The following RASGRF2 variants were observed in gnomAD, a reference collection of about 807,000 sequenced individuals.
RASGRF2 encodes the protein ras-specific guanine nucleotide-releasing factor 2.
Under a neutral mutation model 151.0 loss-of-function variants are expected in RASGRF2, and 76 were observed. The ratio of observed to expected loss-of-function variants is 0.50; its 90% CI spans 0.42 to 0.61. The LOEUF (loss-of-function observed/expected upper bound fraction) is 0.61, where lower values mean the gene tolerates loss of function less well. RASGRF2 is among the 20% of genes least tolerant of loss of function. RASGRF2 has a pLI of 0.00. For missense variants in RASGRF2, 1,148 were observed against 1,564.6 expected (o/e 0.73, Z 4.49); for synonymous variants, 504 against 566.5 (o/e 0.89, Z 1.57).
At chr5:81,176,527 G>A (rs1754778165) in intron 17 of RASGRF2, among the ~76,000 whole-genome samples, 1 of 152,112 alleles carries the variant, frequency 6.6e-6, no homozygotes, top group Non-Finnish European at 1.5e-5. Flanking sequence ...CGGTGATGAT[G>A]GAGGGGTGGG....
At chr5:81,064,836 G>A (rs909438966) in intron 2 of RASGRF2, among the ~76,000 whole-genome samples, 4 of 152,174 alleles carry the variant, frequency 2.6e-5, no homozygotes, top group African/African-American at 9.7e-5. Context: ...GGATAGTGAC[G>A]TCCTTGATTA....
intron 1 of RASGRF2, among the ~76,000 whole-genome samples, chr5:80,969,364 G>A (rs1426561206): frequency 1.3e-5 from 2 of 149,988 alleles, no homozygotes; most frequent in African/African-American, 5.0e-5. Context: ...TCGAACTCCT[G>A]ACCTTGTGAT....
At chr5:81,088,468 C>T (rs1192418418) in intron 9 of RASGRF2, 1 of 152,162 alleles carries the variant, frequency 6.6e-6, no homozygotes, top group African/African-American at 2.4e-5. Flanking sequence ...AAGGGCAGCA[C>T]TTAAGGAATT....
chr5:81,008,190 G>A (rs367985324), intron 1 of RASGRF2, among the ~76,000 whole-genome samples: 2 of 116,136 alleles, frequency 1.7e-5, no homozygotes, highest in Middle Eastern at 8.3e-3. Flanking sequence ...TCGCTTCTTC[G>A]CCCAGGCTGG....
chr5:81,194,398 A>T (rs904329584), intron 18 of RASGRF2, among the ~76,000 whole-genome samples: 7 of 151,744 alleles, frequency 4.6e-5, no homozygotes, highest in African/African-American at 1.7e-4. Flanking sequence ...TCACTGTCTT[A>T]CTTACAATTA....
intron 1 of RASGRF2, among the ~76,000 whole-genome samples, chr5:81,024,749 G>T (rs7722697): frequency 0.011 from 1,712 of 152,150 alleles, 40 homozygotes; most frequent in African/African-American, 0.039. Flanking sequence ...ATGAAGTCTT[G>T]GGCAGGCCCA....
intron 12 of RASGRF2, among the ~76,000 whole-genome samples, chr5:81,099,913 T>C (rs1012776057): frequency 1.7e-5 from 2 of 118,912 alleles, no homozygotes; most frequent in East Asian, 2.0e-4. Flanking sequence ...TTTTCTTTTT[T>C]TTTTTTTTTT....
chr5:80,970,714 T>C (rs1041408448), intron 1 of RASGRF2, among the ~76,000 whole-genome samples: 1 of 152,186 alleles, frequency 6.6e-6, no homozygotes, highest in African/African-American at 2.4e-5. Context: ...GACAAAATCA[T>C]CAGTCTCTGA....
intron 12 of RASGRF2, among the ~76,000 whole-genome samples, chr5:81,107,983 T>C (rs1339053363): frequency 6.6e-6 from 1 of 152,238 alleles, no homozygotes; most frequent in Admixed American, 6.5e-5. Flanking sequence ...AAATACTAAG[T>C]AGACTGAATA....
chr5:81,078,565 C>G (rs1417130369), intron 5 of RASGRF2, among the ~76,000 whole-genome samples: 1 of 152,164 alleles, frequency 6.6e-6, no homozygotes, highest in Non-Finnish European at 1.5e-5. Context: ...AAAGGTGAGG[C>G]TTAAAGAAGT....
intron 17 of RASGRF2, among the ~76,000 whole-genome samples, chr5:81,141,673 C>T (rs1037429870): frequency 1.3e-5 from 2 of 152,146 alleles, no homozygotes; most frequent in African/African-American, 4.8e-5. Flanking sequence ...CATTTCTTTC[C>T]GTCTTTTTCC....
chr5:81,129,017 T>C (rs1254606832), intron 17 of RASGRF2, among the ~76,000 whole-genome samples: 1 of 152,114 alleles, frequency 6.6e-6, no homozygotes, highest in African/African-American at 2.4e-5. Context: ...CGCACACCTG[T>C]AATCCCAACT....
intron 17 of RASGRF2, among the ~76,000 whole-genome samples, chr5:81,166,575 A>G (rs534427748): frequency 2.6e-5 from 4 of 152,114 alleles, no homozygotes; most frequent in Admixed American, 6.5e-5. Flanking sequence ...CACAGCCTCT[A>G]TTGTCACATG....
chr5:81,039,578 A>C (rs1750617594), intron 1 of RASGRF2, among the ~76,000 whole-genome samples: 2 of 152,224 alleles, frequency 1.3e-5, no homozygotes, highest in Admixed American at 1.3e-4. Flanking sequence ...ACTGGCTGTC[A>C]TTAATATAAA....
intron 22 of RASGRF2, among the ~76,000 whole-genome samples, chr5:81,209,849 G>A (rs1043712995): frequency 6.6e-6 from 1 of 152,140 alleles, no homozygotes; most frequent in Non-Finnish European, 1.5e-5. Flanking sequence ...CGCCAAGCCT[G>A]CTTCTTCATT....
At chr5:81,181,285 A>G (rs1162750229) in intron 18 of RASGRF2, among the ~76,000 whole-genome samples, 1 of 152,190 alleles carries the variant, frequency 6.6e-6, no homozygotes, top group Non-Finnish European at 1.5e-5. Context: ...TAGGGTCACC[A>G]TGAGGGCAGG....
chr5:81,150,406 A>G (rs1754106548), intron 17 of RASGRF2, among the ~76,000 whole-genome samples: 1 of 152,190 alleles, frequency 6.6e-6, no homozygotes, highest in Admixed American at 6.5e-5. Context: ...CAGCACTTGG[A>G]ACCATCTAAG....
chr5:81,203,221 C>G (rs1327023529), intron 19 of RASGRF2, among the ~76,000 whole-genome samples: 1 of 152,134 alleles, frequency 6.6e-6, no homozygotes, highest in Non-Finnish European at 1.5e-5. Flanking sequence ...GCATTTAAAA[C>G]ACTAATATTT....
At chr5:81,197,842 T>A (rs939018010) in intron 18 of RASGRF2, among the ~76,000 whole-genome samples, 2 of 152,244 alleles carry the variant, frequency 1.3e-5, no homozygotes, top group Non-Finnish European at 2.9e-5. Context: ...AGCAGGACTT[T>A]GCAGTGTTCA....
Sources: allele counts gnomAD v4.1 joint callset (sites outside exome capture counted in the v4.1 genomes callset), GRCh38; gene constraint gnomAD v4.1.1; transcripts MANE v1.5; gene names NCBI Gene and HGNC (gene_info 2026-07-23, HGNC 2026-07-21).